ABCA10: variants seen among roughly 807,000 people sequenced by gnomAD.
ABCA10 encodes the protein ATP-binding cassette sub-family A member 10.
A neutral mutation model predicts 187.5 loss-of-function variants in ABCA10; 169 were observed. That is an observed-to-expected ratio of 0.90 (90% confidence interval 0.80 to 1.02). The LOEUF (loss-of-function observed/expected upper bound fraction) is 1.02. ABCA10 is among the 50% of genes least tolerant of loss of function. The pLI is 0.00. For synonymous variants in ABCA10, 574 were observed against 601.8 expected (o/e 0.95, Z 0.68); for missense variants, 1,727 against 1,812.4 (o/e 0.95, Z 0.86).
At chr17:69,168,196 T>C (rs139079987) in intron 25 of ABCA10, among the ~76,000 whole-genome samples, 5 of 152,310 alleles carry the variant, frequency 3.3e-5, no homozygotes, top group African/African-American at 4.8e-5. Context: ...AACTATGTTA[T>C]CAGTAAGATT....
At chr17:69,174,181 C>A (rs975674064) in intron 25 of ABCA10, 100 bp downstream of exon 25, 1 of 757,498 alleles carries the variant, frequency 1.3e-6, no homozygotes, top group South Asian at 3.4e-5. Flanking sequence ...AACAAAAAAC[C>A]CTCCATTCTC....
At chr17:69,154,946 T>G (rs2074161970) in intron 30 of ABCA10, 73 bp downstream of exon 30, 1 of 1,044,212 alleles carries the variant, frequency 9.6e-7, no homozygotes, top group African/African-American at 1.6e-5. Flanking sequence ...AATAAAAATT[T>G]GTCCCCTTTG....
chr17:69,224,615 A>T (rs1456576098), intron 3 of ABCA10, among the ~76,000 whole-genome samples: 1 of 151,880 alleles, frequency 6.6e-6, no homozygotes, highest in Non-Finnish European at 1.5e-5. Flanking sequence ...GCATACATCA[A>T]ATTAATGCAG....
At chr17:69,149,410 GAGTCCAC>G (rs1237331336) in intron 37 of ABCA10, 16 of 268,932 alleles carry the variant, frequency 5.9e-5, no homozygotes, top group African/African-American at 3.1e-4. Context: ...ATCTACAGAG[GAGTCCAC>G]TCCATGCTGG....
intron 7 of ABCA10, 28 bp from the exon 8 acceptor site, chr17:69,216,028 A>AT (rs1568072214): frequency 6.3e-7 from 1 of 1,586,478 alleles, no homozygotes; most frequent in South Asian, 1.2e-5. Flanking sequence ...TCTGATTGGT[A>AT]TATTTTTCCT....
intron 30 of ABCA10, among the ~76,000 whole-genome samples, chr17:69,154,578 C>A (rs1278454239): frequency 6.6e-6 from 1 of 151,990 alleles, no homozygotes; most frequent in Non-Finnish European, 1.5e-5. Flanking sequence ...GCATGCACCA[C>A]CACACCCAGC....
rs761643246 is a variant in ABCA10 at position 69,193,559 on chromosome 17, A to G, written c.1575T>C (p.Ala525=). The change falls in exon 14 of 39, where the codon GCT becomes GCC. Residue 525 remains alanine, a synonymous_variant. Transcript: ENST00000690296. ...TCTTCTGCCCACCACTTAATTTTTT[A>G]GCAATAATGTCTTGAATGCTTTGCA... ...LDMQSIQDII[A]KKLSGGQKRK... 6.2e-7 allele frequency: 1 copy of G among 1,613,140 alleles called. No homozygotes were observed. Among genetic ancestry groups the G allele is most frequent in the South Asian group, 1.1e-5 (1 of 91,006 alleles).
chr17:69,232,324 T>C (rs2074837418), upstream of ABCA10, among the ~76,000 whole-genome samples: 2 of 152,126 alleles, frequency 1.3e-5, no homozygotes, highest in Non-Finnish European at 1.5e-5. Context: ...TCTCTTACAA[T>C]CTTCCTTTGT....
At chr17:69,151,892 T>C in intron 36 of ABCA10, 151 bp downstream of exon 36, 5 of 1,227,458 alleles carry the variant, frequency 4.1e-6, no homozygotes, top group Non-Finnish European at 5.6e-6. Context: ...GTTTAGTTTT[T>C]GTAACGCATC....
chr17:69,174,321 C>A lies in ABCA10; in HGVS notation c.3122G>T (p.Trp1041Leu). ...TYVLSFIFRK[W>L]RKNNGFWSFG... is the part of the protein sequence containing the mutation. ...AGACCAAAAGCCATTATTTTTTCTCCACTTGCGAAAGATGAATGAAAGCAC... is the reference window on the plus strand; with the variant it reads ...AGACCAAAAGCCATTATTTTTTCTCAACTTGCGAAAGATGAATGAAAGCAC... Residue 1041 changes from tryptophan (W) to leucine (L), a missense_variant, in exon 25 of 39, where the codon TGG becomes TTG. Trp to Leu is a moderately conservative substitution (Grantham distance 61, BLOSUM62 -2). Transcript: ENST00000690296. 1 of 1,608,332 alleles carries A rather than the reference C, an allele frequency of 6.2e-7. No individual in the cohort carries two copies. The highest frequency in any genetic ancestry group is 8.5e-7 in the Non-Finnish European group (1 of 1,178,012).
chr17:69,219,822 T>C (rs1405273466), intron 5 of ABCA10, 51 bp from the exon 6 acceptor site: 3 of 1,239,970 alleles, frequency 2.4e-6, no homozygotes, highest in African/African-American at 3.1e-5. Flanking sequence ...ACAAAATATA[T>C]TAGAAAACTA....
intron 18 of ABCA10, 81 bp from the exon 19 acceptor site, chr17:69,187,960 T>C: frequency 7.8e-7 from 1 of 1,280,062 alleles, no homozygotes; most frequent in Non-Finnish European, 1.1e-6. Flanking sequence ...GATGTTAGAC[T>C]ATTTGAAACA....
At chr17:69,175,881 A>G (rs1367416003) in intron 22 of ABCA10, 1 of 158,154 alleles carries the variant, frequency 6.3e-6, no homozygotes, top group African/African-American at 2.4e-5. Context: ...TAACATATAC[A>G]GTGTGGACAC....
chr17:69,174,395 C>T lies in ABCA10; in HGVS notation c.3049-1G>A. Reference sequence around the variant, plus strand: ...CTGCACAACCAATTATGCATACCACCTGCAAATAATGAGGATCAATGGCAA... The same window carrying T: ...CTGCACAACCAATTATGCATACCACTTGCAAATAATGAGGATCAATGGCAA... On this transcript the variant is annotated splice_acceptor_variant, in intron 24 of 38. Coordinates refer to ENST00000690296, the MANE Select transcript of ABCA10 (RefSeq NM_001377321.1). LOFTEE classifies it high-confidence loss of function. The T allele has an allele frequency of 6.3e-7, 1 of 1,578,978 alleles. No individual in the cohort carries two copies. The highest frequency in any genetic ancestry group is 8.6e-7 in the Non-Finnish European group (1 of 1,162,920).
intron 22 of ABCA10, among the ~76,000 whole-genome samples, chr17:69,181,063 A>G (rs2074376839): frequency 6.6e-6 from 1 of 152,148 alleles, no homozygotes; most frequent in East Asian, 1.9e-4. Flanking sequence ...GAACAATAGA[A>G]CTGTTAAAAA....
chr17:69,163,864 C>T (rs977714922), intron 27 of ABCA10, among the ~76,000 whole-genome samples: 23 of 152,162 alleles, frequency 1.5e-4, no homozygotes, highest in African/African-American at 5.3e-4. Flanking sequence ...ACAATAACAG[C>T]AACCAAACCT....
At position 69,214,758 on chromosome 17, in the gene ABCA10, A is replaced by G. The variant is rs1235609769; in HGVS notation, c.952T>C (p.Phe318Leu). The change falls in exon 9 of 39, where the codon TTT (phenylalanine) becomes CTT (leucine). Residue 318 changes from phenylalanine (F) to leucine (L), a missense_variant. Transcript: ENST00000690296. ...KMIATFFILA[F>L]DTLFYLIFTL... ...AATATCAAATAGAAAAGAGTATCAA[A>G]TGCCAAAATGAAAAAAGTGGCTATC... 2.0e-6 allele frequency: 3 copies of G among 1,518,720 alleles called. No homozygotes were observed. The highest frequency in any genetic ancestry group is 1.8e-6 in the Non-Finnish European group (2 of 1,141,456). The allele number at this position is 1,518,720 out of a possible 1,614,324, so 94.1% of individuals were successfully genotyped here.
Position 69,152,194 on chromosome 17 carries a change from G to A in ABCA10, c.4257-11C>T, listed in dbSNP as rs1193635648. ...ATGGAACCAATACACCTAGTTCAGG[G>A]GAAATAAAGAAAAAATACTTGTCTC... On this transcript the variant is annotated splice_polypyrimidine_tract_variant and intron_variant, in intron 35 of 38. Coordinates refer to ENST00000690296, the MANE Select transcript of ABCA10 (RefSeq NM_001377321.1). The A allele has an allele frequency of 2.5e-6, 4 of 1,592,348 alleles. No individual in the cohort carries two copies. In the Admixed American group the frequency reaches 5.6e-5, roughly 22 times the overall value.
chr17:69,211,301 AC>A (rs1469240304), intron 9 of ABCA10, among the ~76,000 whole-genome samples: 1 of 48,706 alleles, frequency 2.1e-5, no homozygotes, highest in Non-Finnish European at 4.1e-5. Flanking sequence ...TCATATATAT[AC>A]ATCATATATA....
Sources: allele counts gnomAD v4.1 joint callset (sites outside exome capture counted in the v4.1 genomes callset), GRCh38; gene constraint gnomAD v4.1.1; transcripts MANE v1.5; gene names NCBI Gene and HGNC (gene_info 2026-07-23, HGNC 2026-07-21).